Variants in PDE1C observed in about 807,000 individuals in gnomAD.
PDE1C encodes the protein phosphodiesterase 1C.
Under a neutral mutation model 93.1 loss-of-function variants are expected in PDE1C, and 62 were observed. The ratio of observed to expected loss-of-function variants is 0.67; its 90% CI spans 0.54 to 0.82. The LOEUF (loss-of-function observed/expected upper bound fraction) is 0.82, where lower values mean the gene tolerates loss of function less well. Ranked by LOEUF, PDE1C falls within the 40% of genes least tolerant of loss-of-function variation. The pLI is 0.00. For synonymous variants in PDE1C, 325 were observed against 310.1 expected, an observed-to-expected ratio of 1.05 and a Z score of -0.50; for missense variants, 742 against 884.6, an observed-to-expected ratio of 0.84 and a Z score of 2.04.
At chr7:31,710,922 T>C in the PDE1C span, among the ~76,000 whole-genome samples, 1 of 152,162 alleles carries the variant, frequency 6.6e-6, no homozygotes, top group Non-Finnish European at 1.5e-5. Flanking sequence ...CACAAGTAAA[T>C]GTATTTATGG....
chr7:31,927,151 C>T (rs1190594253), intron 2 of PDE1C, among the ~76,000 whole-genome samples: 1 of 133,372 alleles, frequency 7.5e-6, no homozygotes, highest in Non-Finnish European at 1.6e-5. Flanking sequence ...ATTACTGAGA[C>T]CTGAGTAGGT....
At chr7:31,836,361 A>G (rs1011046263) in intron 11 of PDE1C, among the ~76,000 whole-genome samples, 13 of 152,254 alleles carry the variant, frequency 8.5e-5, no homozygotes, top group Admixed American at 7.9e-4. Flanking sequence ...TCTGAGACAG[A>G]GTCTCGCGCT....
chr7:32,357,375 C>T (rs2128084287), intron 1 of PDE1C, among the ~76,000 whole-genome samples: 1 of 151,662 alleles, frequency 6.6e-6, no homozygotes, highest in East Asian at 1.9e-4. Flanking sequence ...TGTGGCTGAA[C>T]AGTGTGCAAT....
chr7:32,215,973 T>G (rs1440052673), intron 1 of PDE1C, among the ~76,000 whole-genome samples: 1 of 152,164 alleles, frequency 6.6e-6, no homozygotes, highest in Non-Finnish European at 1.5e-5. Flanking sequence ...CCAAGTGAAC[T>G]CTTTTGGGAA....
In PDE1C at chr7:31,875,793, CTATATATATATATATATA is replaced by C. The variant is rs71559206; in HGVS notation, c.492+2159_492+2176del. On this transcript the variant is annotated intron_variant, in intron 5 of 17. Coordinates refer to ENST00000396191, the MANE Select transcript of PDE1C (RefSeq NM_001191057.4). ...AACACCTCAAGTTAGAAGCTTACAT[CTATATATATATATATATA>C]TATATATATATATATATATATATAA... Among the ~76,000 whole-genome samples, 33 of 43,110 alleles carry C rather than the reference CTATATATATATATATATA, an allele frequency of 7.7e-4. 3 individuals carry two copies. The highest frequency in any genetic ancestry group is 1.7e-3 in the South Asian group (2 of 1,180). 28.3% of individuals were successfully genotyped at this position (43,110 alleles called of 152,430 possible).
At chr7:32,328,807 G>C (rs1342802757) in intron 1 of PDE1C, among the ~76,000 whole-genome samples, 1 of 152,206 alleles carries the variant, frequency 6.6e-6, no homozygotes, top group Admixed American at 6.5e-5. Context: ...TTATTCGCTT[G>C]TTCATGTCCT....
chr7:31,619,036 C>G, the PDE1C span, among the ~76,000 whole-genome samples: 2 of 152,218 alleles, frequency 1.3e-5, no homozygotes, highest in Non-Finnish European at 2.9e-5. Flanking sequence ...CCTCTCTGCT[C>G]TCTTCCCTGA....
intron 3 of PDE1C, 58 bp downstream of exon 3, chr7:31,880,689 C>A (rs1364457279): frequency 4.0e-6 from 4 of 989,270 alleles, no homozygotes; most frequent in Non-Finnish European, 6.3e-6. Flanking sequence ...TTCAGAAAAG[C>A]CATTTAAGAG....
the PDE1C span, among the ~76,000 whole-genome samples, chr7:31,667,529 C>A: frequency 1.6e-4 from 24 of 152,010 alleles, no homozygotes; most frequent in East Asian, 1.7e-3. Context: ...TGCTGGGCAC[C>A]GTCGTAGGGG....
intron 2 of PDE1C, among the ~76,000 whole-genome samples, chr7:31,948,589 G>A (rs974733517): frequency 9.2e-5 from 14 of 151,986 alleles, no homozygotes; most frequent in East Asian, 1.9e-4. Context: ...TATCTTCTCC[G>A]GGCCCTTTTC....
chr7:32,357,185 T>C (rs1172502643), intron 1 of PDE1C, among the ~76,000 whole-genome samples: 6 of 151,980 alleles, frequency 3.9e-5, no homozygotes, highest in Admixed American at 1.3e-4. Flanking sequence ...ACAAAAAAAA[T>C]TAGCCGGGCA....
intron 11 of PDE1C, among the ~76,000 whole-genome samples, chr7:31,830,491 A>G (rs894445757): frequency 2.0e-5 from 3 of 152,234 alleles, no homozygotes; most frequent in African/African-American, 7.2e-5. Context: ...CATAGTTGGC[A>G]CACAGAAGGA....
chr7:32,094,424 G>A (rs1797636364), intron 3 of PDE1C, among the ~76,000 whole-genome samples: 1 of 152,218 alleles, frequency 6.6e-6, no homozygotes, highest in Non-Finnish European at 1.5e-5. Flanking sequence ...TTGCTTGACT[G>A]TAGCGGAGGG....
At chr7:32,206,016 G>A (rs947201443) in intron 2 of PDE1C, among the ~76,000 whole-genome samples, 1 of 152,160 alleles carries the variant, frequency 6.6e-6, no homozygotes, top group Non-Finnish European at 1.5e-5. Flanking sequence ...AGAAGAAACC[G>A]ATTCTAGACG....
intron 2 of PDE1C, among the ~76,000 whole-genome samples, chr7:31,943,700 C>T (rs965060635): frequency 6.6e-6 from 1 of 152,028 alleles, no homozygotes; most frequent in Non-Finnish European, 1.5e-5. Flanking sequence ...AAGGGATCTT[C>T]TTTTCAGAGG....
chr7:32,216,534 C>G (rs765637639), intron 1 of PDE1C, among the ~76,000 whole-genome samples: 5 of 152,086 alleles, frequency 3.3e-5, no homozygotes, highest in Non-Finnish European at 7.4e-5. Context: ...CGTGATGGAG[C>G]CAAGGATATT....
intron 3 of PDE1C, among the ~76,000 whole-genome samples, chr7:32,094,720 C>T (rs945900082): frequency 5.3e-5 from 8 of 152,160 alleles, no homozygotes; most frequent in Admixed American, 2.0e-4. Flanking sequence ...TGATGATGGG[C>T]TCCCAGTTTT....
At chr7:31,702,724 G>A in the PDE1C span, among the ~76,000 whole-genome samples, 11 of 152,150 alleles carry the variant, frequency 7.2e-5, no homozygotes, top group African/African-American at 2.4e-4. Flanking sequence ...GGCTGTGACT[G>A]CCTTATGTTT....
At position 31,859,115 on chromosome 7, in the gene PDE1C, T is replaced by A. The variant is rs571657751; in HGVS notation, c.750+5827A>T. ...GGAAACTATCATAATATATGATGTA[T>A]TGACTATATATATATACTATATATA... On this transcript the variant is annotated intron_variant, in intron 7 of 17. Transcript: ENST00000396191. Among the ~76,000 whole-genome samples the A allele has an allele frequency of 2.0e-3, 279 of 140,098 alleles. 1 individual carries two copies. Among genetic ancestry groups the A allele is most frequent in the African/African-American group, 6.5e-3 (259 of 39,814 alleles). 91.9% of individuals were successfully genotyped at this position (140,098 alleles called of 152,430 possible).
Sources: allele counts gnomAD v4.1 joint callset (sites outside exome capture counted in the v4.1 genomes callset), GRCh38; gene constraint gnomAD v4.1.1; transcripts MANE v1.5; gene names NCBI Gene and HGNC (gene_info 2026-07-23, HGNC 2026-07-21).